The following CUL5 variants were observed in gnomAD, a reference collection of about 807,000 sequenced individuals.
CUL5 encodes cullin 5, also known as cullin-5.
In CUL5, 26 loss-of-function variants were observed where a neutral mutation model predicts 108.8. The observed-to-expected ratio is 0.24, with a 90% CI of 0.18 to 0.33. CUL5 has a LOEUF of 0.33. Ranked by LOEUF, CUL5 falls within the 10% of genes least tolerant of loss-of-function variation. CUL5 has a pLI of 1.00. For synonymous variants in CUL5, 334 were observed against 298.0 expected (o/e 1.12, Z -1.25); for missense variants, 524 against 909.2 (o/e 0.58, Z 5.45).
intron 11 of CUL5, among the ~76,000 whole-genome samples, chr11:108,080,543 G>C (rs752609578): frequency 6.6e-6 from 1 of 152,072 alleles, no homozygotes; most frequent in African/African-American, 2.4e-5. Context: ...CTACAGGTGT[G>C]TGCCACCACG....
At chr11:108,053,140 T>A (rs547685418) in intron 5 of CUL5, among the ~76,000 whole-genome samples, 27 of 152,220 alleles carry the variant, frequency 1.8e-4, no homozygotes, top group African/African-American at 6.3e-4. Context: ...GTTACTTCCA[T>A]GAAAAGGAGA....
chr11:108,094,796 A>G lies in CUL5; in HGVS notation c.1568-16A>G. 6.5e-7 allele frequency: 1 copy of G among 1,540,556 alleles called. No individual in the cohort carries two copies. The highest frequency in any genetic ancestry group is 1.9e-4 in the Middle Eastern group (1 of 5,274). On this transcript the variant is annotated splice_polypyrimidine_tract_variant and intron_variant, in intron 14 of 18. Coordinates refer to ENST00000393094, the MANE Select transcript of CUL5 (RefSeq NM_003478.6). ...ATTGTTAATTTACTTTATATTCCTG[A>G]TATTCTTCTCTATAGCTGATTCAGT...
chr11:108,098,324 CTT>C, intron 17 of CUL5, 80 bp from the exon 18 acceptor site: 2 of 1,258,182 alleles, frequency 1.6e-6, no homozygotes, highest in Non-Finnish European at 2.2e-6. Flanking sequence ...ATTTTTAAAT[CTT>C]TTCTCTCAGA....
intron 13 of CUL5, among the ~76,000 whole-genome samples, chr11:108,090,238 C>A (rs1162156173): frequency 6.6e-6 from 1 of 152,076 alleles, no homozygotes; most frequent in Non-Finnish European, 1.5e-5. Flanking sequence ...CCTATAATCC[C>A]AGCACTTTGG....
chr11:108,055,448 ATATT>A (rs1228567627), intron 7 of CUL5, among the ~76,000 whole-genome samples: 1 of 151,982 alleles, frequency 6.6e-6, no homozygotes, highest in Non-Finnish European at 1.5e-5. Flanking sequence ...TGAGGTAAAA[ATATT>A]AATTATTATT....
At chr11:108,033,240 C>T (rs2135086350) in intron 1 of CUL5, among the ~76,000 whole-genome samples, 1 of 152,300 alleles carries the variant, frequency 6.6e-6, no homozygotes, top group Non-Finnish European at 1.5e-5. Context: ...CGAGTACCAT[C>T]AAATAGGGAA....
intron 13 of CUL5, among the ~76,000 whole-genome samples, chr11:108,090,363 G>A (rs749068618): frequency 2.6e-5 from 4 of 151,586 alleles, no homozygotes; most frequent in African/African-American, 9.7e-5. Context: ...GTGGTGGGGG[G>A]CCTGTAGTCC....
At chr11:108,041,093 A>G (rs1305472492) in intron 2 of CUL5, among the ~76,000 whole-genome samples, 1 of 152,174 alleles carries the variant, frequency 6.6e-6, no homozygotes, top group East Asian at 1.9e-4. Context: ...CTTTGGCTCC[A>G]GAATTCTTCA....
In CUL5 at chr11:108,105,881, C is replaced by T. The variant is rs1864787402; in HGVS notation, c.*1497C>T. 6.6e-6 allele frequency: 1 copy of T among 152,116 alleles called. No homozygotes were observed. Among genetic ancestry groups the T allele is most frequent in the Admixed American group, 6.6e-5 (1 of 15,260 alleles). 9.4% of individuals were successfully genotyped at this position (152,116 alleles called of 1,614,324 possible). A position where few individuals can be genotyped will look rare whatever the true frequency, so the allele number is the denominator to read the frequency against. ...TACAGTATTATGTTACAGTGGAGTG[C>T]TTTCAAGAGCATTTCGTAGGATCTG... On this transcript the variant is annotated 3_prime_UTR_variant, in exon 19 of 19. Transcript: ENST00000393094.
At chr11:108,054,997 A>C (rs1201362517) in intron 7 of CUL5, 42 bp downstream of exon 7, 1 of 1,314,934 alleles carries the variant, frequency 7.6e-7, no homozygotes, top group African/African-American at 1.5e-5. Flanking sequence ...GATTATTTGA[A>C]ATACGGAAGC....
intron 7 of CUL5, among the ~76,000 whole-genome samples, chr11:108,057,662 T>C (rs1008784554): frequency 1.3e-5 from 2 of 152,126 alleles, no homozygotes; most frequent in African/African-American, 4.8e-5. Flanking sequence ...CTGCCACAGA[T>C]TGTATGAGAG....
intron 16 of CUL5, among the ~76,000 whole-genome samples, chr11:108,096,951 GTAGATTGTACTCAT>G (rs1472129776): frequency 6.6e-6 from 1 of 152,150 alleles, no homozygotes; most frequent in African/African-American, 2.4e-5. Flanking sequence ...TTGAGGACTT[GTAGATTGTACTCAT>G]TAGCCCCCTG....
At chr11:108,033,612 T>G (rs1185159775) in intron 1 of CUL5, among the ~76,000 whole-genome samples, 190 bp from the exon 2 acceptor site, 1 of 152,182 alleles carries the variant, frequency 6.6e-6, no homozygotes, top group African/African-American at 2.4e-5. Flanking sequence ...ATTTGTACAA[T>G]TTTTCTCTTT....
At chr11:108,026,555 C>G (rs539160362) in intron 1 of CUL5, among the ~76,000 whole-genome samples, 11 of 152,310 alleles carry the variant, frequency 7.2e-5, no homozygotes, top group African/African-American at 2.4e-4. Flanking sequence ...ACTTCCTCCA[C>G]ATATGCGCTA....
At chr11:108,019,130 A>G (rs1380165468) in intron 1 of CUL5, among the ~76,000 whole-genome samples, 1 of 145,890 alleles carries the variant, frequency 6.9e-6, no homozygotes, top group African/African-American at 2.5e-5. Context: ...TGCATGGGTA[A>G]TAAGCAAATG....
intron 1 of CUL5, among the ~76,000 whole-genome samples, chr11:108,033,534 A>G (rs898127262): frequency 3.3e-5 from 5 of 152,208 alleles, no homozygotes; most frequent in Admixed American, 2.6e-4. Flanking sequence ...TCCAGAGATT[A>G]TCTACTAGAA....
intron 1 of CUL5, among the ~76,000 whole-genome samples, chr11:108,021,407 T>G (rs924533843): frequency 6.6e-6 from 1 of 152,232 alleles, no homozygotes; most frequent in Non-Finnish European, 1.5e-5. Context: ...TAGCTTTTCT[T>G]ACACCTTTGT....
intron 13 of CUL5, among the ~76,000 whole-genome samples, chr11:108,090,692 GTTCT>G (rs1431500776): frequency 6.6e-6 from 1 of 151,970 alleles, no homozygotes; most frequent in Non-Finnish European, 1.5e-5. Flanking sequence ...AGTATTTTGA[GTTCT>G]TTTTTTGTTT....
intron 11 of CUL5, among the ~76,000 whole-genome samples, chr11:108,081,113 CCTGT>C (rs2135206755): frequency 6.6e-6 from 1 of 151,978 alleles, no homozygotes; most frequent in South Asian, 2.1e-4. Context: ...ATGGTGAAAC[CCTGT>C]CTCTACTAAA....
Sources: allele counts gnomAD v4.1 joint callset (sites outside exome capture counted in the v4.1 genomes callset), GRCh38; gene constraint gnomAD v4.1.1; transcripts MANE v1.5; gene names NCBI Gene and HGNC (gene_info 2026-07-23, HGNC 2026-07-21).